The following CYB5B variants were observed in gnomAD, a reference collection of about 807,000 sequenced individuals.
The protein encoded by CYB5B is cytochrome b5 type B (outer mitochondrial membrane).
A neutral mutation model predicts 21.3 loss-of-function variants in CYB5B; 14 were observed. The observed-to-expected ratio is 0.66, with a 90% CI of 0.43 to 1.03. The LOEUF is 1.03. Among genes scored for constraint, CYB5B ranks in the 50% least tolerant of loss-of-function variants. The pLI, the probability that CYB5B is intolerant of heterozygous loss-of-function variation, is 0.00. For synonymous variants in CYB5B, 69 were observed against 68.4 expected (o/e 1.01, Z -0.04); for missense variants, 166 against 185.1 (o/e 0.90, Z 0.60).
At chr16:69,434,876 A>AG in intron 1 of CYB5B, among the ~76,000 whole-genome samples, 1 of 151,684 alleles carries the variant, frequency 6.6e-6, no homozygotes, top group Admixed American at 6.6e-5. Context: ...AAAAAAAAAA[A>AG]AAAAATCATT....
chr16:69,454,251 C>A (rs762342479), intron 3 of CYB5B, among the ~76,000 whole-genome samples: 1 of 152,030 alleles, frequency 6.6e-6, no homozygotes, highest in Non-Finnish European at 1.5e-5. Flanking sequence ...TGAATTTTGC[C>A]ATATCTACAG....
Position 69,464,593 on chromosome 16 carries a change from A to C in CYB5B, c.*2073A>C, listed in dbSNP as rs888479921. ...GCCAAGCCTGAAGATAACTTGAATC[A>C]GTTGTAAAAGTGTGTTGGCAATGTC... is the stretch of plus-strand genomic sequence containing the variant. On this transcript the variant is annotated 3_prime_UTR_variant, in exon 5 of 5. Coordinates refer to ENST00000307892, the MANE Select transcript of CYB5B (RefSeq NM_030579.3). The C allele has an allele frequency of 8.5e-5, 13 of 152,500 alleles. No homozygotes were observed. Among genetic ancestry groups the C allele is most frequent in the Non-Finnish European group, 1.9e-4 (13 of 68,054 alleles). The allele number at this position is 152,500 out of a possible 1,614,324, so 9.4% of individuals were successfully genotyped here.
chr16:69,439,252 G>A (rs547146740), intron 1 of CYB5B, among the ~76,000 whole-genome samples: 2 of 152,154 alleles, frequency 1.3e-5, no homozygotes, highest in Non-Finnish European at 2.9e-5. Context: ...TGGCATCCTT[G>A]TGAAAAATCA....
At chr16:69,439,777 G>C (rs113008307) in intron 1 of CYB5B, among the ~76,000 whole-genome samples, 2,979 of 151,690 alleles carry the variant, frequency 0.02, 98 homozygotes, top group African/African-American at 0.068. Flanking sequence ...ATGTTGGCCA[G>C]GCTAGGGTCA....
chr16:69,461,613 A>G (rs531374268), intron 4 of CYB5B, among the ~76,000 whole-genome samples: 2 of 152,322 alleles, frequency 1.3e-5, no homozygotes, highest in South Asian at 4.1e-4. Context: ...CCTTAAAACT[A>G]GTGTGCTAAT....
chr16:69,427,704 T>A (rs1442116021), intron 1 of CYB5B, among the ~76,000 whole-genome samples: 1 of 152,008 alleles, frequency 6.6e-6, no homozygotes, highest in Admixed American at 6.6e-5. Context: ...TTTGTAGAAT[T>A]GGGGTCCCAC....
At chr16:69,436,906 A>C (rs1289160155) in intron 1 of CYB5B, among the ~76,000 whole-genome samples, 1 of 152,224 alleles carries the variant, frequency 6.6e-6, no homozygotes, top group Non-Finnish European at 1.5e-5. Context: ...TAGAATTAGT[A>C]ATCTGGAAGT....
rs2015055968 is a variant in CYB5B, at chr16:69,463,456, T to C, written c.*936T>C. The C allele has an allele frequency of 6.6e-6, 1 of 152,188 alleles. No individual in the cohort carries two copies. The highest frequency in any genetic ancestry group is 1.5e-5 in the Non-Finnish European group (1 of 68,024). 9.4% of individuals were successfully genotyped at this position (152,188 alleles called of 1,614,324 possible). ...GAGTTTAGAGAAGGCACCAAAGCTT[T>C]CACTTTGGTTTGGCACCAGTTTCTA... On this transcript the variant is annotated 3_prime_UTR_variant, in exon 5 of 5. Transcript: ENST00000307892.
At chr16:69,452,913 C>T (rs1442890435) in intron 3 of CYB5B, among the ~76,000 whole-genome samples, 3 of 149,496 alleles carry the variant, frequency 2.0e-5, no homozygotes, top group Non-Finnish European at 4.4e-5. Context: ...GCAGGAGAAT[C>T]GCTTGAACCC....
chr16:69,426,892 G>T (rs979358970), intron 1 of CYB5B, among the ~76,000 whole-genome samples: 1 of 152,086 alleles, frequency 6.6e-6, no homozygotes, highest in South Asian at 2.1e-4. Flanking sequence ...ATGACTTCTG[G>T]TATTTGCTTC....
rs184033673 is a variant in CYB5B at position 69,465,502 on chromosome 16, A to C, written c.*2982A>C. 5.3e-5 allele frequency: 8 copies of C among 152,354 alleles called. No individual in the cohort carries two copies. In the East Asian group the frequency reaches 1.2e-3, roughly 22 times the overall value. The allele number at this position is 152,354 out of a possible 1,614,324, so 9.4% of individuals were successfully genotyped here. A position where few individuals can be genotyped will look rare whatever the true frequency, so the allele number is the denominator to read the frequency against. On this transcript the variant is annotated 3_prime_UTR_variant, in exon 5 of 5. Transcript: ENST00000307892. ...TCTCTTCAAGACTGCTTAAGCAAAA[A>C]CAAAAATCCCTTGGAACCTATCGTT...
intron 1 of CYB5B, among the ~76,000 whole-genome samples, chr16:69,435,238 A>C (rs1230770599): frequency 4.6e-5 from 7 of 152,252 alleles, no homozygotes; most frequent in Non-Finnish European, 8.8e-5. Context: ...CAAGTAATTT[A>C]AATAATGCAT....
At chr16:69,452,489 C>T (rs1786374684) in intron 3 of CYB5B, among the ~76,000 whole-genome samples, 1 of 151,432 alleles carries the variant, frequency 6.6e-6, no homozygotes, top group South Asian at 2.1e-4. Context: ...GAGACCAGCC[C>T]GGCCAACATG....
intron 1 of CYB5B, among the ~76,000 whole-genome samples, chr16:69,430,907 C>T (rs571966627): frequency 5.3e-5 from 8 of 150,906 alleles, no homozygotes; most frequent in South Asian, 4.2e-4. Context: ...TCCTGACCTC[C>T]GGTGATTCAC....
Position 69,424,650 on chromosome 16 carries a change from G to A in CYB5B, c.-34G>A, listed in dbSNP as rs2014621124. Reference sequence around the variant, plus strand: ...TGAGCGCGGGCTCTCAAGGAAAGTAGTCGCGGAATCTCAGTTAGCGGTGGA... The same window carrying A: ...TGAGCGCGGGCTCTCAAGGAAAGTAATCGCGGAATCTCAGTTAGCGGTGGA... On this transcript the variant is annotated 5_prime_UTR_variant, in exon 1 of 5. Coordinates refer to ENST00000307892, the MANE Select transcript of CYB5B (RefSeq NM_030579.3). 8 of 1,506,004 alleles carry A rather than the reference G, an allele frequency of 5.3e-6. No homozygotes were observed. The East Asian group carries it at 1.8e-4, about 33-fold the overall frequency. The allele number at this position is 1,506,004 out of a possible 1,614,324, so 93.3% of individuals were successfully genotyped here. A position where few individuals can be genotyped will look rare whatever the true frequency, so the allele number is the denominator to read the frequency against.
intron 1 of CYB5B, 108 bp downstream of exon 1, chr16:69,424,965 CGT>C: frequency 8.5e-7 from 1 of 1,181,180 alleles, no homozygotes; most frequent in East Asian, 3.0e-5. Flanking sequence ...GGCGATAAGG[CGT>C]AAGAAAGGGA....
intron 1 of CYB5B, among the ~76,000 whole-genome samples, chr16:69,433,501 G>A (rs1235453515): frequency 6.8e-6 from 1 of 146,610 alleles, no homozygotes; most frequent in Non-Finnish European, 1.5e-5. Context: ...GTGTATCTCA[G>A]GGATCTTTCC....
intron 3 of CYB5B, among the ~76,000 whole-genome samples, chr16:69,457,703 C>T (rs145472907): frequency 8.7e-4 from 133 of 152,208 alleles, no homozygotes; most frequent in Non-Finnish European, 3.1e-4. Flanking sequence ...TAATGATAAT[C>T]ATTAAAGTCT....
At chr16:69,456,207 CT>C (rs2014982802) in intron 3 of CYB5B, among the ~76,000 whole-genome samples, 3 of 152,020 alleles carry the variant, frequency 2.0e-5, no homozygotes, top group African/African-American at 7.2e-5. Context: ...TGGCACAATC[CT>C]AGCTCACTAT....
Sources: allele counts gnomAD v4.1 joint callset (sites outside exome capture counted in the v4.1 genomes callset), GRCh38; gene constraint gnomAD v4.1.1; transcripts MANE v1.5; gene names NCBI Gene and HGNC (gene_info 2026-07-23, HGNC 2026-07-21).